PIK3C2G: variants seen among roughly 807,000 people sequenced by gnomAD.
The protein encoded by PIK3C2G is phosphatidylinositol-4-phosphate 3-kinase catalytic subunit type 2 gamma, also known as phosphatidylinositol 3-kinase C2 domain-containing subunit gamma.
PIK3C2G carries 168 observed loss-of-function variants against 181.1 expected under a neutral mutation model. That is an observed-to-expected ratio of 0.93 (90% CI 0.82 to 1.05). The LOEUF (loss-of-function observed/expected upper bound fraction) is 1.05, where lower values mean the gene tolerates loss of function less well. Among genes scored for constraint, PIK3C2G ranks in the 50% least tolerant of loss-of-function variants. The pLI is 0.00. For synonymous variants in PIK3C2G, 573 were observed against 592.2 expected, an observed-to-expected ratio of 0.97 and a Z score of 0.47; for missense variants, 1,869 against 1,732.8, an observed-to-expected ratio of 1.08 and a Z score of -1.40.
At chr12:18,487,096 T>TTTTGTGTGTGTGTG (rs71440368) in intron 18 of PIK3C2G, among the ~76,000 whole-genome samples, 180 of 142,200 alleles carry the variant, frequency 1.3e-3, no homozygotes, top group Admixed American at 4.7e-3. Context: ...TTGAGGTATT[T>TTTTGTGTGTGTGTG]TGTGTGTGTG....
intron 5 of PIK3C2G, among the ~76,000 whole-genome samples, chr12:18,296,491 C>T (rs1181749809): frequency 6.6e-6 from 1 of 151,974 alleles, no homozygotes; most frequent in Admixed American, 6.6e-5. Context: ...AAAAATTATC[C>T]TCTTTTCCAG....
intron 26 of PIK3C2G, among the ~76,000 whole-genome samples, chr12:18,558,502 A>G (rs1358712306): frequency 6.6e-6 from 1 of 152,214 alleles, no homozygotes; most frequent in East Asian, 1.9e-4. Context: ...TCTAACTCTC[A>G]TCTCACACAA....
intron 6 of PIK3C2G, among the ~76,000 whole-genome samples, chr12:18,314,853 A>G (rs1180510285): frequency 6.6e-6 from 1 of 152,254 alleles, no homozygotes; most frequent in Admixed American, 6.5e-5. Context: ...AAGACTGTTT[A>G]TGTCAACACA....
At chr12:18,627,874 CT>C (rs1301784677) in intron 31 of PIK3C2G, among the ~76,000 whole-genome samples, 2 of 152,060 alleles carry the variant, frequency 1.3e-5, no homozygotes, top group Non-Finnish European at 2.9e-5. Context: ...TTATATTATC[CT>C]ATGATTGGAG....
At chr12:18,452,596 T>G (rs1947424981) in intron 18 of PIK3C2G, among the ~76,000 whole-genome samples, 1 of 152,180 alleles carries the variant, frequency 6.6e-6, no homozygotes, top group Non-Finnish European at 1.5e-5. Context: ...AGTTAATTCT[T>G]GTCTTCTGCT....
intron 13 of PIK3C2G, among the ~76,000 whole-genome samples, chr12:18,373,956 T>C (rs534906419): frequency 1.3e-5 from 2 of 152,304 alleles, no homozygotes; most frequent in South Asian, 2.1e-4. Flanking sequence ...ATTTGTAATG[T>C]AGCCACAATG....
At chr12:18,423,164 T>C (rs765947224) in intron 17 of PIK3C2G, among the ~76,000 whole-genome samples, 17 of 151,742 alleles carry the variant, frequency 1.1e-4, no homozygotes, top group Non-Finnish European at 2.1e-4. Flanking sequence ...TGTGTGTGTG[T>C]GTGTAAGAGA....
the PIK3C2G span, among the ~76,000 whole-genome samples, chr12:18,653,737 A>G: frequency 6.6e-6 from 1 of 152,204 alleles, no homozygotes. Flanking sequence ...AAAGACACTC[A>G]TTATTAGAGT....
intron 32 of PIK3C2G, among the ~76,000 whole-genome samples, chr12:18,646,296 A>T (rs2136847149): frequency 6.6e-6 from 1 of 152,342 alleles, no homozygotes. Context: ...AGAAAATATC[A>T]TTGTGAATGA....
At chr12:18,262,614 C>CAAA (rs778968769) in intron 1 of PIK3C2G, among the ~76,000 whole-genome samples, 32 of 95,180 alleles carry the variant, frequency 3.4e-4, no homozygotes, top group South Asian at 2.1e-3. Context: ...AGTGAGCTGA[C>CAAA]AAAAAAAAAA....
chr12:18,362,815 G>GT lies in PIK3C2G; in HGVS notation c.1678dup (p.Cys560LeufsTer23). 6.6e-7 allele frequency: 1 copy of GT among 1,523,280 alleles called. No homozygotes were observed. The allele number at this position is 1,523,280 out of a possible 1,614,324, so 94.4% of individuals were successfully genotyped here. A position where few individuals can be genotyped will look rare whatever the true frequency, so the allele number is the denominator to read the frequency against. ...GGCTTACATATGCTGGAAAGAAGCTGTGCCAAGTGAGAAACTACAGAAATA... is the reference window on the plus strand; with the variant it reads ...GGCTTACATATGCTGGAAAGAAGCTGTTGCCAAGTGAGAAACTACAGAAATA... On this transcript the variant is annotated frameshift_variant, in exon 12 of 33. Transcript: ENST00000538779. LOFTEE classifies it high-confidence loss of function.
the PIK3C2G span, chr12:18,723,377 A>G: frequency 1.2e-6 from 2 of 1,612,962 alleles, no homozygotes; most frequent in African/African-American, 2.7e-5. Context: ...TCAGCTGCAT[A>G]TTGTTCTTGT....
At chr12:18,586,973 T>C (rs1163941111) in intron 29 of PIK3C2G, among the ~76,000 whole-genome samples, 3 of 152,024 alleles carry the variant, frequency 2.0e-5, no homozygotes, top group South Asian at 2.1e-4. Flanking sequence ...ACTATCCCAA[T>C]AGATGCAGAA....
chr12:18,668,532 C>T, the PIK3C2G span, among the ~76,000 whole-genome samples: 1 of 152,226 alleles, frequency 6.6e-6, no homozygotes, highest in Non-Finnish European at 1.5e-5. Flanking sequence ...GGACTGCAAC[C>T]CTAGTGCCCT....
chr12:18,705,380 A>G, the PIK3C2G span: 1 of 1,541,422 alleles, frequency 6.5e-7, no homozygotes, highest in African/African-American at 1.4e-5. Context: ...GGCAATTAAT[A>G]TAAGTGCTTA....
intron 24 of PIK3C2G, among the ~76,000 whole-genome samples, chr12:18,537,890 C>T (rs910986042): frequency 3.3e-5 from 5 of 151,816 alleles, no homozygotes; most frequent in African/African-American, 1.2e-4. Flanking sequence ...TAATATTCCC[C>T]TCCAAATGTA....
intron 9 of PIK3C2G, among the ~76,000 whole-genome samples, chr12:18,339,992 A>T (rs1938970922): frequency 6.6e-6 from 1 of 152,146 alleles, no homozygotes; most frequent in South Asian, 2.1e-4. Context: ...TTTTCTTAAT[A>T]AGGAAACACC....
chr12:18,553,782 A>C (rs1944857762), intron 26 of PIK3C2G, among the ~76,000 whole-genome samples: 1 of 152,118 alleles, frequency 6.6e-6, no homozygotes, highest in African/African-American at 2.4e-5. Flanking sequence ...TTTCCTTTGA[A>C]CAATAAATTT....
At chr12:18,406,436 G>A (rs1428918538) in intron 16 of PIK3C2G, among the ~76,000 whole-genome samples, 2 of 152,114 alleles carry the variant, frequency 1.3e-5, no homozygotes, top group African/African-American at 4.8e-5. Flanking sequence ...AGTGAAGTTA[G>A]ATTCCATACT....
Sources: gnomAD v4.1 joint callset for allele counts (sites outside exome capture counted in the v4.1 genomes callset) on GRCh38, gnomAD v4.1.1 for gene constraint, MANE v1.5 for transcripts, NCBI Gene and HGNC (gene_info 2026-07-23, HGNC 2026-07-21) for gene names.